LOC400499: variants seen among roughly 807,000 people sequenced by gnomAD.
the LOC400499 span, among the ~76,000 whole-genome samples, chr16:11,506,607 C>A: frequency 0.67 from 102,493 of 151,846 alleles, 34,785 homozygotes; most frequent in Admixed American, 0.72. Context: ...CCCAACCCCA[C>A]TGCACCCTTG....
chr16:11,372,907 C>T, the LOC400499 span, among the ~76,000 whole-genome samples: 3 of 152,242 alleles, frequency 2.0e-5, no homozygotes, highest in African/African-American at 7.2e-5. Flanking sequence ...GAGCAGCGGG[C>T]ATGGGTCAAT....
the LOC400499 span, among the ~76,000 whole-genome samples, chr16:11,510,370 A>G: frequency 6.6e-6 from 1 of 151,698 alleles, no homozygotes; most frequent in African/African-American, 2.4e-5. Context: ...CCTGGGACAC[A>G]CAGAGGTCGT....
At chr16:11,446,254 A>G in the LOC400499 span, among the ~76,000 whole-genome samples, 1 of 151,788 alleles carries the variant, frequency 6.6e-6, no homozygotes, top group Non-Finnish European at 1.5e-5. Flanking sequence ...GCTTAATCAG[A>G]TCCTCCTGTC....
chr16:11,460,472 C>T, the LOC400499 span: 1 of 1,518,834 alleles, frequency 6.6e-7, no homozygotes, highest in Non-Finnish European at 8.8e-7. Context: ...GGCCTGGGAA[C>T]CCACCTTGTG....
the LOC400499 span, chr16:11,450,810 G>A: frequency 3.9e-6 from 6 of 1,530,696 alleles, no homozygotes; most frequent in African/African-American, 6.9e-5. Context: ...GACTATCCAG[G>A]TTCAAGGCTC....
At chr16:11,450,665 C>T in the LOC400499 span, 1 of 1,536,140 alleles carries the variant, frequency 6.5e-7, no homozygotes, top group Non-Finnish European at 8.7e-7. Context: ...CTGTTGGGGC[C>T]CTGACTCCTG....
the LOC400499 span, chr16:11,471,653 C>T: frequency 2.5e-6 from 1 of 398,958 alleles, no homozygotes; most frequent in Non-Finnish European, 4.4e-6. Flanking sequence ...CTAGGGCCCA[C>T]CTGGGGCTGC....
chr16:11,519,315 A>G, the LOC400499 span, among the ~76,000 whole-genome samples: 1 of 152,196 alleles, frequency 6.6e-6, no homozygotes, highest in Non-Finnish European at 1.5e-5. Flanking sequence ...CATGATGAGG[A>G]CTTGGATATC....
chr16:11,492,506 G>C, the LOC400499 span, among the ~76,000 whole-genome samples: 1 of 152,008 alleles, frequency 6.6e-6, no homozygotes, highest in Non-Finnish European at 1.5e-5. Flanking sequence ...GGTGGTGGCC[G>C]GGCGCGGTGG....
At chr16:11,430,822 C>G in the LOC400499 span, among the ~76,000 whole-genome samples, 2 of 152,276 alleles carry the variant, frequency 1.3e-5, no homozygotes, top group East Asian at 1.9e-4. Context: ...ATAAGGAACC[C>G]TATTCAGTTT....
the LOC400499 span, chr16:11,465,620 GAAA>G: frequency 1.3e-5 from 2 of 151,878 alleles, no homozygotes; most frequent in Non-Finnish European, 2.9e-5. Flanking sequence ...AAGAAAAAAA[GAAA>G]AATAGAAGGG....
the LOC400499 span, chr16:11,508,869 A>C: frequency 2.5e-6 from 1 of 399,034 alleles, no homozygotes; most frequent in Non-Finnish European, 4.4e-6. Context: ...AGATGGTAAG[A>C]GGTGGATGGG....
the LOC400499 span, chr16:11,372,409 A>G: frequency 6.6e-6 from 1 of 152,268 alleles, no homozygotes; most frequent in East Asian, 1.9e-4. Context: ...TCTCTTGGGC[A>G]TGAACAGGGG....
At chr16:11,495,914 C>T in the LOC400499 span, among the ~76,000 whole-genome samples, 5 of 152,326 alleles carry the variant, frequency 3.3e-5, no homozygotes, top group East Asian at 7.7e-4. Flanking sequence ...TACCAACACT[C>T]ACGGCTTCTC....
the LOC400499 span, among the ~76,000 whole-genome samples, chr16:11,468,186 G>C: frequency 6.6e-6 from 1 of 152,206 alleles, no homozygotes; most frequent in Admixed American, 6.5e-5. Flanking sequence ...AATTCCTATA[G>C]TTGAAGACAC....
chr16:11,422,997 C>T, the LOC400499 span, among the ~76,000 whole-genome samples: 1 of 148,910 alleles, frequency 6.7e-6, no homozygotes, highest in Admixed American at 6.7e-5. Context: ...ACTGGGAGTC[C>T]AGGTGCATGT....
At chr16:11,500,377 G>A in the LOC400499 span, among the ~76,000 whole-genome samples, 109 of 152,158 alleles carry the variant, frequency 7.2e-4, no homozygotes, top group African/African-American at 2.4e-3. Flanking sequence ...CAGGTGGGGT[G>A]GTGCATTCAT....
At chr16:11,435,637 T>C in the LOC400499 span, 10 of 399,286 alleles carry the variant, frequency 2.5e-5, no homozygotes, top group African/African-American at 1.6e-4. Flanking sequence ...CCCTGCCTCC[T>C]CGCAGGCCAC....
At chr16:11,387,336 G>A in the LOC400499 span, 2 of 1,229,704 alleles carry the variant, frequency 1.6e-6, no homozygotes, top group Non-Finnish European at 2.0e-6. Context: ...GCCTGCCCGA[G>A]CCTTGCTTCC....
Sources: allele counts gnomAD v4.1 joint callset (sites outside exome capture counted in the v4.1 genomes callset), GRCh38; gene constraint gnomAD v4.1.1; transcripts MANE v1.5.